Variants in SMYD4 observed in about 807,000 individuals in gnomAD.
SMYD4 encodes the protein protein-lysine N-methyltransferase SMYD4.
In SMYD4, 68 loss-of-function variants were observed where a neutral mutation model predicts 72.8. The observed-to-expected ratio is 0.93, with a 90% CI of 0.77 to 1.14. SMYD4 has a LOEUF of 1.14. Among genes scored for constraint, SMYD4 ranks in the 50% most tolerant of loss-of-function variants. The probability of loss-of-function intolerance (pLI) is 0.00; values close to 1 mark genes in which losing one functional copy is unlikely to be tolerated. For missense variants in SMYD4, 984 were observed against 1,003.7 expected (o/e 0.98, Z 0.27); for synonymous variants, 407 against 388.6 (o/e 1.05, Z -0.56).
At position 1,829,898 on chromosome 17, in the gene SMYD4, T is replaced by G; in HGVS notation, c.-185A>C. The G allele has an allele frequency of 2.2e-5, 10 of 445,804 alleles. No individual in the cohort carries two copies. Among genetic ancestry groups the G allele is most frequent in the Non-Finnish European group, 2.9e-5 (8 of 278,880 alleles). 27.6% of individuals were successfully genotyped at this position (445,804 alleles called of 1,614,324 possible). ...CCGCGCCAGGCCTCGCTTGGGACCA[T>G]GGGTGGGTCACGTGGGCCGCGCCTC... On this transcript the variant is annotated 5_prime_UTR_variant, in exon 1 of 11. The change abolishes an upstream ATG in the 5' untranslated region. Coordinates refer to ENST00000305513, the MANE Select transcript of SMYD4 (RefSeq NM_052928.3).
At chr17:1,787,915 G>A (rs771422002) in intron 5 of SMYD4, among the ~76,000 whole-genome samples, 6 of 152,286 alleles carry the variant, frequency 3.9e-5, no homozygotes, top group East Asian at 1.9e-4. Flanking sequence ...AGTAGGGAGC[G>A]TTCTAGATAG....
At chr17:1,789,947 C>A (rs531925249) in intron 5 of SMYD4, among the ~76,000 whole-genome samples, 1 of 152,240 alleles carries the variant, frequency 6.6e-6, no homozygotes, top group African/African-American at 2.4e-5. Flanking sequence ...TAAAATCTTT[C>A]ATCAGAGCTT....
At chr17:1,809,380 T>A (rs1910206209) in intron 3 of SMYD4, among the ~76,000 whole-genome samples, 1 of 125,078 alleles carries the variant, frequency 8.0e-6, no homozygotes, top group Non-Finnish European at 2.0e-5. Context: ...TTATTATTAT[T>A]ATTTTTTTTT....
chr17:1,821,126 C>G (rs906430943), intron 2 of SMYD4, among the ~76,000 whole-genome samples: 1 of 152,162 alleles, frequency 6.6e-6, no homozygotes, highest in African/African-American at 2.4e-5. Context: ...GTGAACAAGA[C>G]TCACACAGAC....
At chr17:1,784,209 C>G (rs1597364418) in intron 8 of SMYD4, 117 bp downstream of exon 8, 29 of 1,488,220 alleles carry the variant, frequency 1.9e-5, no homozygotes, top group African/African-American at 1.4e-5. Context: ...TTGTGGCTGG[C>G]ATGGGGATAA....
In SMYD4 at chr17:1,794,043, A is replaced by ATATATATATATG. The variant is rs1461446139; in HGVS notation, c.1537+5813_1537+5814insCATATATATATA. On this transcript the variant is annotated intron_variant, in intron 5 of 10. Coordinates refer to ENST00000305513, the MANE Select transcript of SMYD4 (RefSeq NM_052928.3). ...TATGTGTGTATATATATATGTATGTATATATATATGTGTGTATATATATGT... is the reference window on the plus strand; with the variant it reads ...TATGTGTGTATATATATATGTATGTATATATATATATGTATATATATGTGTGTATATATATGT... Among the ~76,000 whole-genome samples, 538 of 71,036 alleles carry ATATATATATATG rather than the reference A, an allele frequency of 7.6e-3. 37 individuals carry two copies. Among genetic ancestry groups the ATATATATATATG allele is most frequent in the Admixed American group, 0.014 (108 of 7,710 alleles). 46.6% of individuals were successfully genotyped at this position (71,036 alleles called of 152,430 possible). A position where few individuals can be genotyped will look rare whatever the true frequency, so the allele number is the denominator to read the frequency against.
At chr17:1,789,295 G>A (rs57173042) in intron 5 of SMYD4, among the ~76,000 whole-genome samples, 4,470 of 152,228 alleles carry the variant, frequency 0.029, 244 homozygotes, top group African/African-American at 0.1. Flanking sequence ...GGCGAGGTAC[G>A]AGAATTGCTT....
At chr17:1,824,484 C>T (rs72822488) in intron 2 of SMYD4, among the ~76,000 whole-genome samples, 18,358 of 152,120 alleles carry the variant, frequency 0.12, 1,340 homozygotes, top group African/African-American at 0.19. Context: ...CAAATCTCAT[C>T]TTGAACTGTT....
At chr17:1,793,685 C>G (rs1433364554) in intron 5 of SMYD4, among the ~76,000 whole-genome samples, 4 of 151,978 alleles carry the variant, frequency 2.6e-5, no homozygotes, top group African/African-American at 9.7e-5. Context: ...AAAGAGGCAA[C>G]TTATAGGGAT....
intron 2 of SMYD4, among the ~76,000 whole-genome samples, chr17:1,817,986 G>C (rs1310512899): frequency 2.0e-5 from 3 of 149,064 alleles, no homozygotes; most frequent in Non-Finnish European, 4.4e-5. Context: ...GGCGGAGCTT[G>C]CAGTGAGCCG....
chr17:1,796,726 C>T (rs992814882), intron 5 of SMYD4, among the ~76,000 whole-genome samples: 2 of 152,066 alleles, frequency 1.3e-5, no homozygotes, highest in Non-Finnish European at 2.9e-5. Flanking sequence ...TGAGCCACCG[C>T]GCCCAGCCCT....
intron 2 of SMYD4, among the ~76,000 whole-genome samples, chr17:1,823,161 G>A (rs1277129208): frequency 4.0e-5 from 6 of 149,826 alleles, no homozygotes; most frequent in African/African-American, 1.2e-4. Context: ...ATGAGGTCAG[G>A]AGATCAAGAC....
In SMYD4 at chr17:1,829,874, C is replaced by T; in HGVS notation, c.-161G>A. On this transcript the variant is annotated 5_prime_UTR_variant, in exon 1 of 11. Coordinates refer to ENST00000305513, the MANE Select transcript of SMYD4 (RefSeq NM_052928.3). ...CCGCCCCGCACCGCGTCCGGCGTCCCGCGCCAGGCCTCGCTTGGGACCATG... is the reference window on the plus strand; with the variant it reads ...CCGCCCCGCACCGCGTCCGGCGTCCTGCGCCAGGCCTCGCTTGGGACCATG... The T allele has an allele frequency of 2.6e-6, 1 of 380,982 alleles. No individual in the cohort carries two copies. Among genetic ancestry groups the T allele is most frequent in the Non-Finnish European group, 4.4e-6 (1 of 226,388 alleles). 23.6% of individuals were successfully genotyped at this position (380,982 alleles called of 1,614,324 possible). A position where few individuals can be genotyped will look rare whatever the true frequency, so the allele number is the denominator to read the frequency against.
intron 2 of SMYD4, among the ~76,000 whole-genome samples, chr17:1,825,613 G>C (rs141356224): frequency 0.023 from 3,442 of 151,034 alleles, 46 homozygotes; most frequent in Non-Finnish European, 0.035. Context: ...CCAGGTTCAA[G>C]TGATCCTCCC....
chr17:1,786,974 C>T lies in SMYD4; in HGVS notation c.1721-1G>A. 1 of 1,612,258 alleles carries T rather than the reference C, an allele frequency of 6.2e-7. No individual in the cohort carries two copies. The highest frequency in any genetic ancestry group is 8.5e-7 in the Non-Finnish European group (1 of 1,179,706). Reference sequence around the variant, plus strand: ...ACCCCCATCCGGCTCTTGTGAGGCCCTGGAGGGAGATCACCGTCAGCCAAT... The same window carrying T: ...ACCCCCATCCGGCTCTTGTGAGGCCTTGGAGGGAGATCACCGTCAGCCAAT... On this transcript the variant is annotated splice_acceptor_variant, in intron 6 of 10. Transcript: ENST00000305513. LOFTEE classifies it high-confidence loss of function.
At chr17:1,801,352 C>T (rs532888837) in intron 4 of SMYD4, among the ~76,000 whole-genome samples, 87 of 152,112 alleles carry the variant, frequency 5.7e-4, no homozygotes, top group African/African-American at 2.0e-3. Flanking sequence ...CATTCTCCTG[C>T]CTCAGCCTCC....
intron 2 of SMYD4, among the ~76,000 whole-genome samples, chr17:1,812,549 T>C (rs1038595172): frequency 7.7e-5 from 10 of 130,404 alleles, no homozygotes; most frequent in South Asian, 2.8e-4. Context: ...GAATTTCTTT[T>C]TTTTTTTTTT....
rs961260528 is a variant in SMYD4 at position 1,824,889 on chromosome 17, C to T, written c.134+2972G>A. Reference sequence around the variant, plus strand: ...ATCCTCCTGCCCCAGTCTCCCAAAGCGCTGCGATTACAGGCGTGAGCCACC... The same window carrying T: ...ATCCTCCTGCCCCAGTCTCCCAAAGTGCTGCGATTACAGGCGTGAGCCACC... On this transcript the variant is annotated intron_variant, in intron 2 of 10. Transcript: ENST00000305513. 2.0e-4 allele frequency among the ~76,000 whole-genome samples: 31 copies of T among 152,090 alleles called. No homozygotes were observed. In the East Asian group the frequency reaches 4.3e-3, roughly 21 times the overall value.
rs142564777 is a variant in SMYD4 at position 1,819,088 on chromosome 17, G to A, written c.135-6973C>T. ...TATTAAGAATACGGCTGGGTGTGGT[G>A]GCTCACACCTGTAATCCCAGCACTT... On this transcript the variant is annotated intron_variant, in intron 2 of 10. Coordinates refer to ENST00000305513, the MANE Select transcript of SMYD4 (RefSeq NM_052928.3). Among the ~76,000 whole-genome samples the A allele has an allele frequency of 2.0e-4, 30 of 152,114 alleles. No homozygotes were observed. The East Asian group carries it at 5.6e-3, about 29-fold the overall frequency.
Sources: allele counts gnomAD v4.1 joint callset (sites outside exome capture counted in the v4.1 genomes callset), GRCh38; gene constraint gnomAD v4.1.1; transcripts MANE v1.5; gene names NCBI Gene and HGNC (gene_info 2026-07-23, HGNC 2026-07-21).